Variants in KCNIP4 observed in about 807,000 individuals in gnomAD.
KCNIP4 encodes the protein potassium voltage-gated channel interacting protein 4, also known as Kv channel-interacting protein 4.
Under a neutral mutation model 34.0 loss-of-function variants are expected in KCNIP4, and 12 were observed. That is an observed-to-expected ratio of 0.35 (90% CI 0.23 to 0.57). The LOEUF (loss-of-function observed/expected upper bound fraction) is 0.57, where lower values mean the gene tolerates loss of function less well. Among genes scored for constraint, KCNIP4 ranks in the 20% least tolerant of loss-of-function variants. The pLI is 0.83. For synonymous variants in KCNIP4, 124 were observed against 102.2 expected (o/e 1.21, Z -1.29); for missense variants, 238 against 311.7 (o/e 0.76, Z 1.78).
chr4:21,569,267 C>CAAAAAAA, intron 1 of KCNIP4, among the ~76,000 whole-genome samples: 2 of 40,350 alleles, frequency 5.0e-5, no homozygotes, highest in Non-Finnish European at 9.4e-5. Flanking sequence ...AAAAAAAAAG[C>CAAAAAAA]TTGATTGACA....
At chr4:20,763,208 C>T (rs909831276) in intron 3 of KCNIP4, among the ~76,000 whole-genome samples, 22 of 152,178 alleles carry the variant, frequency 1.4e-4, no homozygotes, top group African/African-American at 5.3e-4. Flanking sequence ...CTCCAATGAG[C>T]ATTTACTTTG....
chr4:21,008,792 A>G (rs911513053), intron 1 of KCNIP4, among the ~76,000 whole-genome samples: 2 of 151,850 alleles, frequency 1.3e-5, no homozygotes, highest in Non-Finnish European at 2.9e-5. Flanking sequence ...CCAGAGTGCT[A>G]GGATTACAGA....
intron 1 of KCNIP4, among the ~76,000 whole-genome samples, chr4:21,280,348 G>A (rs978744353): frequency 2.0e-5 from 3 of 152,110 alleles, no homozygotes; most frequent in African/African-American, 4.8e-5. Flanking sequence ...GTGTAAGGCA[G>A]GTAGGAATAC....
intron 2 of KCNIP4, among the ~76,000 whole-genome samples, chr4:20,875,554 A>G (rs551876140): frequency 6.6e-6 from 1 of 152,330 alleles, no homozygotes; most frequent in African/African-American, 2.4e-5. Flanking sequence ...ATGAAATTGA[A>G]TGAATCTTGC....
intron 5 of KCNIP4, among the ~76,000 whole-genome samples, chr4:20,748,900 A>G (rs62411664): frequency 0.25 from 29,907 of 120,334 alleles, 3,071 homozygotes; most frequent in African/African-American, 0.31. Flanking sequence ...GTGTGTATAT[A>G]TATATATATA....
At chr4:20,924,089 T>G (rs149866448) in intron 1 of KCNIP4, among the ~76,000 whole-genome samples, 1 of 152,338 alleles carries the variant, frequency 6.6e-6, no homozygotes, top group East Asian at 1.9e-4. Context: ...AAATGACTGA[T>G]ACATCCTAAT....
intron 1 of KCNIP4, among the ~76,000 whole-genome samples, chr4:21,297,034 G>T (rs1763879723): frequency 6.6e-6 from 1 of 151,540 alleles, no homozygotes. Flanking sequence ...ACGTATGTGT[G>T]TGTGCGTGTG....
intron 3 of KCNIP4, among the ~76,000 whole-genome samples, chr4:20,849,404 G>A (rs867247981): frequency 1.3e-5 from 2 of 152,262 alleles, no homozygotes; most frequent in African/African-American, 2.4e-5. Context: ...TGTGCAATGC[G>A]CATGCAGAAA....
intron 1 of KCNIP4, among the ~76,000 whole-genome samples, chr4:20,997,504 G>T (rs1193736542): frequency 6.6e-6 from 1 of 152,128 alleles, no homozygotes; most frequent in South Asian, 2.1e-4. Context: ...ATAATTAAAA[G>T]GTATTGTAGG....
In KCNIP4 at chr4:21,388,442, T is replaced by A. The variant is rs192440348; in HGVS notation, c.62-505733A>T. On this transcript the variant is annotated intron_variant, in intron 1 of 8. Transcript: ENST00000382152. ...TAATTTATGTCTATCACTTTTCATG[T>A]TTTAAGTACTCAATATACCCATAGA... 3.1e-3 allele frequency among the ~76,000 whole-genome samples: 467 copies of A among 152,136 alleles called. 3 individuals carry two copies. Among genetic ancestry groups the A allele is most frequent in the African/African-American group, 0.011 (448 of 41,552 alleles).
At chr4:20,858,255 A>G in intron 2 of KCNIP4, among the ~76,000 whole-genome samples, 1 of 145,772 alleles carries the variant, frequency 6.9e-6, no homozygotes, top group African/African-American at 2.5e-5. Context: ...GGAAGACACG[A>G]GGAATGTGGG....
intron 1 of KCNIP4, among the ~76,000 whole-genome samples, chr4:21,429,546 A>G (rs1250658521): frequency 6.6e-6 from 1 of 152,150 alleles, no homozygotes; most frequent in African/African-American, 2.4e-5. Context: ...GTTTAGTTTG[A>G]TAGGAAGCTG....
chr4:21,824,015 G>A (rs925941593), intron 1 of KCNIP4, among the ~76,000 whole-genome samples: 35 of 152,122 alleles, frequency 2.3e-4, no homozygotes, highest in Non-Finnish European at 4.0e-4. Context: ...ATAAGAGCTC[G>A]TGCAATGGGG....
intron 1 of KCNIP4, among the ~76,000 whole-genome samples, chr4:21,911,715 G>T (rs1045356982): frequency 2.0e-5 from 3 of 151,372 alleles, no homozygotes; most frequent in Non-Finnish European, 4.4e-5. Flanking sequence ...AGCAATAGCA[G>T]GGTCCTTTAG....
intron 1 of KCNIP4, among the ~76,000 whole-genome samples, chr4:21,276,135 T>C (rs757033872): frequency 6.6e-6 from 1 of 152,154 alleles, no homozygotes; most frequent in Non-Finnish European, 1.5e-5. Flanking sequence ...GGTAACAAAA[T>C]ACCCTAGGAA....
At chr4:21,607,817 C>T (rs1049074097) in intron 1 of KCNIP4, among the ~76,000 whole-genome samples, 2 of 152,056 alleles carry the variant, frequency 1.3e-5, no homozygotes, top group African/African-American at 4.8e-5. Context: ...CCTATGCTTA[C>T]CCTGAATTTT....
chr4:21,482,329 T>C (rs1277309578), intron 1 of KCNIP4, among the ~76,000 whole-genome samples: 1 of 152,162 alleles, frequency 6.6e-6, no homozygotes, highest in East Asian at 1.9e-4. Context: ...TTAATATTGT[T>C]ATGTGTGAAT....
chr4:21,671,603 A>G (rs1276895197), intron 1 of KCNIP4, among the ~76,000 whole-genome samples: 1 of 152,048 alleles, frequency 6.6e-6, no homozygotes, highest in Non-Finnish European at 1.5e-5. Context: ...TCTCTTGGCT[A>G]TATACTTCAT....
intron 3 of KCNIP4, among the ~76,000 whole-genome samples, chr4:20,815,129 A>G (rs1318596841): frequency 1.3e-5 from 2 of 152,176 alleles, no homozygotes; most frequent in Admixed American, 1.3e-4. Flanking sequence ...TGCCTCCTAT[A>G]TCAGCTGTTT....
Sources: gnomAD v4.1 joint callset for allele counts (sites outside exome capture counted in the v4.1 genomes callset) on GRCh38, gnomAD v4.1.1 for gene constraint, MANE v1.5 for transcripts, NCBI Gene and HGNC (gene_info 2026-07-23, HGNC 2026-07-21) for gene names.